MSH3: variants seen among roughly 807,000 people sequenced by gnomAD.
MSH3 encodes DNA mismatch repair protein Msh3.
Under a neutral mutation model 123.3 loss-of-function variants are expected in MSH3, and 106 were observed. The observed-to-expected ratio is 0.86, with a 90% CI of 0.73 to 1.01. The LOEUF is 1.01. Among genes scored for constraint, MSH3 ranks in the 50% least tolerant of loss-of-function variants. The pLI, the probability that MSH3 is intolerant of heterozygous loss-of-function variation, is 0.00. For missense variants in MSH3, 1,459 were observed against 1,347.6 expected (o/e 1.08, Z -1.29); for synonymous variants, 515 against 481.4 (o/e 1.07, Z -0.91).
At chr5:80,801,479 A>C (rs981505476) in intron 19 of MSH3, among the ~76,000 whole-genome samples, 3 of 152,182 alleles carry the variant, frequency 2.0e-5, no homozygotes, top group African/African-American at 4.8e-5. Flanking sequence ...TCACCTACAA[A>C]TATTTGAGTT....
intron 2 of MSH3, among the ~76,000 whole-genome samples, chr5:80,656,938 A>G (rs1446224752): frequency 6.6e-6 from 1 of 152,188 alleles, no homozygotes; most frequent in African/African-American, 2.4e-5. Flanking sequence ...AAAAATTTGT[A>G]CATGTGTATA....
intron 17 of MSH3, 121 bp from the exon 18 acceptor site, chr5:80,787,444 G>A (rs1170806922): frequency 1.3e-6 from 1 of 761,040 alleles, no homozygotes; most frequent in Non-Finnish European, 2.4e-6. Context: ...TAACTGTTAG[G>A]AATGCCTGCT....
chr5:80,821,493 A>G (rs188673197), intron 20 of MSH3, among the ~76,000 whole-genome samples: 2 of 152,378 alleles, frequency 1.3e-5, no homozygotes, highest in Admixed American at 6.5e-5. Flanking sequence ...TACTGATCCC[A>G]TATTTCAAAA....
chr5:80,672,889 A>T, intron 6 of MSH3, 31 bp downstream of exon 6: 1 of 1,484,268 alleles, frequency 6.7e-7, no homozygotes, highest in Non-Finnish European at 9.4e-7. Flanking sequence ...TTTTTCTCTT[A>T]AATGATACAA....
At chr5:80,741,639 A>G in intron 11 of MSH3, 91 bp downstream of exon 11, 1 of 882,820 alleles carries the variant, frequency 1.1e-6, no homozygotes, top group Non-Finnish European at 1.9e-6. Flanking sequence ...GTACAGGTGA[A>G]AATATAGTGT....
chr5:80,707,252 A>G (rs1400977952), intron 8 of MSH3, among the ~76,000 whole-genome samples: 3 of 152,266 alleles, frequency 2.0e-5, no homozygotes, highest in African/African-American at 7.2e-5. Context: ...CATCATATGC[A>G]TATACCAACA....
intron 18 of MSH3, among the ~76,000 whole-genome samples, chr5:80,792,270 G>A (rs1744620597): frequency 6.6e-6 from 1 of 151,988 alleles, no homozygotes; most frequent in Non-Finnish European, 1.5e-5. Flanking sequence ...ATGGTGACAT[G>A]CACCTATAGT....
chr5:80,672,366 C>T lies in MSH3; in HGVS notation c.909+6C>T. On this transcript the variant is annotated splice_donor_region_variant and intron_variant, in intron 5 of 23. Transcript: ENST00000265081. The stretch of plus-strand genomic sequence containing the variant: ...TGGTGGCAAAAGGATATAAGGTCAG[C>T]TTTGGCTTTAACTTGTGGGGAAAGG... 5 of 1,598,750 alleles carry T rather than the reference C, an allele frequency of 3.1e-6. No homozygotes were observed. The highest frequency in any genetic ancestry group is 4.3e-6 in the Non-Finnish European group (5 of 1,165,996).
Position 80,768,898 on chromosome 5 carries a change from G to C in MSH3, c.2148G>C (p.Lys716Asn), listed in dbSNP as rs1274995755. ...LSDFPLIKKR[K>N]DEIQGVIDEI... Reference sequence around the variant, plus strand: ...ACTTCCCTTTAATAAAAAAGAGGAAGGATGAAATTCAAGGTGTTATTGACG... The same window carrying C: ...ACTTCCCTTTAATAAAAAAGAGGAACGATGAAATTCAAGGTGTTATTGACG... The change falls in exon 15 of 24, where the codon AAG becomes AAC. Residue 716 changes from lysine (K) to asparagine (N), a missense_variant. Physicochemically the swap from Lys to Asn is moderately conservative, Grantham distance 94. Coordinates refer to ENST00000265081, the MANE Select transcript of MSH3 (RefSeq NM_002439.5). The C allele has an allele frequency of 6.2e-7, 1 of 1,611,718 alleles. No individual in the cohort carries two copies. The highest frequency in any genetic ancestry group is 1.7e-5 in the Admixed American group (1 of 59,956).
At chr5:80,762,835 T>TTATGTTATGTTATG (rs1250624075) in intron 13 of MSH3, among the ~76,000 whole-genome samples, 5 of 88,924 alleles carry the variant, frequency 5.6e-5, no homozygotes, top group African/African-American at 2.4e-4. Flanking sequence ...GTTATGTTAT[T>TTATGTTATGTTATG]TTATGTTATT....
chr5:80,875,661 A>G, intron 23 of MSH3, 90 bp from the exon 24 acceptor site: 1 of 755,834 alleles, frequency 1.3e-6, no homozygotes, highest in Non-Finnish European at 2.3e-6. Context: ...CCGGTATTCA[A>G]GTGTTATAGA....
At chr5:80,786,556 T>C (rs950161164) in intron 17 of MSH3, among the ~76,000 whole-genome samples, 1 of 152,358 alleles carries the variant, frequency 6.6e-6, no homozygotes, top group Middle Eastern at 3.4e-3. Flanking sequence ...TTGTGCCTCT[T>C]AATCTCTCTT....
intron 17 of MSH3, among the ~76,000 whole-genome samples, chr5:80,779,925 C>T (rs1029928171): frequency 3.9e-5 from 6 of 152,132 alleles, no homozygotes; most frequent in African/African-American, 1.4e-4. Context: ...TGTCCCCCCG[C>T]CACCGGCTTT....
At chr5:80,740,918 G>C (rs912835212) in intron 10 of MSH3, among the ~76,000 whole-genome samples, 1 of 151,526 alleles carries the variant, frequency 6.6e-6, no homozygotes, top group Non-Finnish European at 1.5e-5. Context: ...GTTTTGCCGT[G>C]TTGGCCAGGC....
At chr5:80,769,029 C>T in intron 15 of MSH3, 26 bp downstream of exon 15, 1 of 1,595,584 alleles carries the variant, frequency 6.3e-7, no homozygotes, top group East Asian at 2.2e-5. Context: ...CTTTTATTTT[C>T]TATTAGTTTT....
Position 80,731,559 on chromosome 5 carries a change from G to A in MSH3, c.1568+2594G>A, listed in dbSNP as rs115215663. Among the ~76,000 whole-genome samples, 1,417 of 151,718 alleles carry A rather than the reference G, an allele frequency of 9.3e-3. 20 individuals carry two copies. The highest frequency in any genetic ancestry group is 0.032 in the African/African-American group (1,309 of 41,406). ...TATTAATATAGGATTAATGAAAGAA[G>A]GAAGGAATTCTTCATTCTGTGAGGG... On this transcript the variant is annotated intron_variant, in intron 10 of 23. Transcript: ENST00000265081.
At chr5:80,873,923 A>G (rs1348559273) in intron 23 of MSH3, among the ~76,000 whole-genome samples, 1 of 152,196 alleles carries the variant, frequency 6.6e-6, no homozygotes, top group Non-Finnish European at 1.5e-5. Context: ...ATATCATATT[A>G]GTAAATTATA....
At position 80,783,467 on chromosome 5, in the gene MSH3, T is replaced by C. The variant is rs778457008; in HGVS notation, c.2436-4098T>C. On this transcript the variant is annotated intron_variant, in intron 17 of 23. Transcript: ENST00000265081. ...GAGTTATGATGTTATAGGTTTATGATAGTTTTTCATTTTATTCATGTCTTA... is the reference window on the plus strand; with the variant it reads ...GAGTTATGATGTTATAGGTTTATGACAGTTTTTCATTTTATTCATGTCTTA... Among the ~76,000 whole-genome samples the C allele has an allele frequency of 5.3e-5, 8 of 152,354 alleles. No homozygotes were observed. The South Asian group carries it at 6.2e-4, about 12-fold the overall frequency.
At chr5:80,854,760 T>C (rs1745888471) in intron 21 of MSH3, among the ~76,000 whole-genome samples, 1 of 152,230 alleles carries the variant, frequency 6.6e-6, no homozygotes, top group Middle Eastern at 3.2e-3. Context: ...TTTTTTGATA[T>C]ATGTTCCTTT....
Sources: allele counts gnomAD v4.1 joint callset (sites outside exome capture counted in the v4.1 genomes callset), GRCh38; gene constraint gnomAD v4.1.1; transcripts MANE v1.5; gene names NCBI Gene and HGNC (gene_info 2026-07-23, HGNC 2026-07-21).